Variants in ADGRL3 observed in about 807,000 individuals in gnomAD.
The protein encoded by ADGRL3 is calcium-independent alpha-latrotoxin receptor 3.
A neutral mutation model predicts 153.5 loss-of-function variants in ADGRL3; 62 were observed. That is an observed-to-expected ratio of 0.40 (90% CI 0.33 to 0.50). The LOEUF is 0.50. ADGRL3 is among the 20% of genes least tolerant of loss of function. The pLI is 0.47. For synonymous variants in ADGRL3, 710 were observed against 672.5 expected (o/e 1.06, Z -0.86); for missense variants, 1,641 against 1,859.4 (o/e 0.88, Z 2.16).
At chr4:61,854,795 C>T (rs1276518459) in intron 9 of ADGRL3, among the ~76,000 whole-genome samples, 1 of 152,126 alleles carries the variant, frequency 6.6e-6, no homozygotes, top group Non-Finnish European at 1.5e-5. Flanking sequence ...AGTTTAACAT[C>T]ATTAGTGATA....
At chr4:61,589,562 A>G (rs2149380975) in intron 5 of ADGRL3, among the ~76,000 whole-genome samples, 1 of 152,226 alleles carries the variant, frequency 6.6e-6, no homozygotes, top group African/African-American at 2.4e-5. Flanking sequence ...TTTAAAAGGT[A>G]TCTTAATCCT....
intron 22 of ADGRL3, 128 bp from the exon 23 acceptor site, chr4:62,031,314 C>T (rs1581969259): frequency 2.9e-6 from 2 of 687,276 alleles, no homozygotes; most frequent in Admixed American, 6.0e-5. Context: ...ACTTACACCA[C>T]CTGTCTTACA....
At chr4:61,700,224 T>G (rs750524320) in intron 6 of ADGRL3, among the ~76,000 whole-genome samples, 1 of 152,134 alleles carries the variant, frequency 6.6e-6, no homozygotes, top group Non-Finnish European at 1.5e-5. Context: ...ATATTCAGAG[T>G]ACTCATAGTC....
intron 1 of ADGRL3, among the ~76,000 whole-genome samples, chr4:61,277,376 G>A (rs923008396): frequency 1.1e-4 from 17 of 152,178 alleles, no homozygotes; most frequent in African/African-American, 3.6e-4. Context: ...TAAAAAGTAC[G>A]TATTATACGG....
chr4:61,403,570 C>A (rs750910092), intron 2 of ADGRL3, among the ~76,000 whole-genome samples: 28 of 152,140 alleles, frequency 1.8e-4, no homozygotes, highest in Admixed American at 1.5e-3. Flanking sequence ...GGTTGTTTGT[C>A]AGTTGTATGC....
Position 61,998,254 on chromosome 4 carries a change from T to G in ADGRL3, c.3384T>G (p.Leu1128=). ...TAILKPESGC[L]DNINYEDNRP... ...TACTGAAACCTGAATCAGGCTGTCTTGATAACATCAAGTAAGTGATTTTTA... is the reference window on the plus strand; with the variant it reads ...TACTGAAACCTGAATCAGGCTGTCTGGATAACATCAAGTAAGTGATTTTTA... Residue 1128 remains leucine (L), a synonymous_variant, in exon 21 of 27, where the codon CTT becomes CTG. Transcript: ENST00000683033. 2 of 1,555,420 alleles carry G rather than the reference T, an allele frequency of 1.3e-6. No individual in the cohort carries two copies.
At chr4:61,846,970 G>A (rs910237178) in intron 9 of ADGRL3, among the ~76,000 whole-genome samples, 23 of 133,656 alleles carry the variant, frequency 1.7e-4, no homozygotes, top group Admixed American at 3.0e-4. Flanking sequence ...GTGTGTGTGT[G>A]TATATATATG....
At position 61,733,066 on chromosome 4, in the gene ADGRL3, G is replaced by C; in HGVS notation, c.911G>C (p.Arg304Thr). Residue 304 changes from arginine (R) to threonine (T), a missense_variant, in exon 8 of 27, where the codon AGG becomes ACG. Physicochemically the swap from Arg to Thr is moderately conservative, Grantham distance 71. Around this residue, in one of 5 missense-constraint regions of ADGRL3, gnomAD observed 213 missense variants for 362.1 expected, o/e 0.59. Transcript: ENST00000683033. ...ATAGTAAAGTTTGATTTGCGGACTAGGATAAAGAGTGGAGAGGCTATCATA... is the reference window on the plus strand; with the variant it reads ...ATAGTAAAGTTTGATTTGCGGACTACGATAAAGAGTGGAGAGGCTATCATA... ...RNIVKFDLRT[R>T]IKSGEAIIAN... 6.2e-7 allele frequency: 1 copy of C among 1,613,622 alleles called. No individual in the cohort carries two copies. The highest frequency in any genetic ancestry group is 8.5e-7 in the Non-Finnish European group (1 of 1,179,806).
chr4:61,228,795 T>C (rs1749141678), intron 1 of ADGRL3, among the ~76,000 whole-genome samples: 1 of 152,114 alleles, frequency 6.6e-6, no homozygotes, highest in Admixed American at 6.6e-5. Flanking sequence ...CAGGTTCAAG[T>C]GATTCTCCTG....
chr4:61,444,147 C>T (rs1342489800), intron 2 of ADGRL3, among the ~76,000 whole-genome samples: 1 of 152,148 alleles, frequency 6.6e-6, no homozygotes, highest in Admixed American at 6.5e-5. Flanking sequence ...GATATAATGC[C>T]ATTCCATTTA....
At chr4:61,775,615 T>G (rs1305055834) in intron 8 of ADGRL3, 1 of 1,271,864 alleles carries the variant, frequency 7.9e-7, no homozygotes, top group Non-Finnish European at 1.1e-6. Flanking sequence ...GTCATCAACC[T>G]TAATTAGGTT....
intron 1 of ADGRL3, among the ~76,000 whole-genome samples, chr4:61,369,446 T>C (rs2096476594): frequency 6.6e-6 from 1 of 152,160 alleles, no homozygotes. Context: ...TGAAGGGTTG[T>C]TGAATTTTGT....
At chr4:61,712,637 A>T (rs1385086550) in intron 6 of ADGRL3, among the ~76,000 whole-genome samples, 1 of 152,186 alleles carries the variant, frequency 6.6e-6, no homozygotes, top group Non-Finnish European at 1.5e-5. Flanking sequence ...GAATTTTAAA[A>T]TTGAAGTGTG....
intron 12 of ADGRL3, among the ~76,000 whole-genome samples, chr4:61,910,928 A>G (rs1312765919): frequency 6.6e-6 from 1 of 151,682 alleles, no homozygotes; most frequent in East Asian, 1.9e-4. Context: ...TCTGTAAAAA[A>G]CAGGTAAAGT....
chr4:61,827,495 A>G (rs1345603779), intron 9 of ADGRL3, among the ~76,000 whole-genome samples: 1 of 152,184 alleles, frequency 6.6e-6, no homozygotes, highest in East Asian at 1.9e-4. Flanking sequence ...ATAGTGGGAA[A>G]CCACAAAGGA....
chr4:61,608,773 T>G (rs541906216), intron 5 of ADGRL3, among the ~76,000 whole-genome samples: 1 of 152,300 alleles, frequency 6.6e-6, no homozygotes, highest in African/African-American at 2.4e-5. Context: ...TTGACAATAG[T>G]CTAAATCATT....
rs1213048075 is a variant in ADGRL3 at position 62,074,061 on chromosome 4, G to A, written c.*3153G>A. On this transcript the variant is annotated 3_prime_UTR_variant, in exon 27 of 27. Transcript: ENST00000683033. Reference sequence around the variant, plus strand: ...TTCTTCATATACATTTTCTTATAGAGCTATTGATGAATTAATTAATGATTT... The same window carrying A: ...TTCTTCATATACATTTTCTTATAGAACTATTGATGAATTAATTAATGATTT... 6.6e-6 allele frequency: 1 copy of A among 151,688 alleles called. No homozygotes were observed. Among genetic ancestry groups the A allele is most frequent in the African/African-American group, 2.4e-5 (1 of 41,312 alleles). 9.4% of individuals were successfully genotyped at this position (151,688 alleles called of 1,614,324 possible).
At position 61,317,369 on chromosome 4, in the gene ADGRL3, G is replaced by T. The variant is rs1478279607; in HGVS notation, c.-239-65755G>T. On this transcript the variant is annotated intron_variant, in intron 1 of 26. Coordinates refer to ENST00000683033, the MANE Select transcript of ADGRL3 (RefSeq NM_001387552.1). ...GGAACCATATGAAAGTACCCTAGTA[G>T]ATTGTAAGGCATGTTTGACCCAAAG... Among the ~76,000 whole-genome samples, 3 of 152,170 alleles carry T rather than the reference G, an allele frequency of 2.0e-5. No individual in the cohort carries two copies. In the East Asian group the frequency reaches 5.8e-4, roughly 29 times the overall value.
At chr4:62,068,001 G>A (rs1490136296) in intron 25 of ADGRL3, among the ~76,000 whole-genome samples, 165 bp from the exon 26 acceptor site, 1 of 151,966 alleles carries the variant, frequency 6.6e-6, no homozygotes, top group Non-Finnish European at 1.5e-5. Flanking sequence ...TTTTAATTAT[G>A]GTAAATCATG....
Sources: gnomAD v4.1 joint callset for allele counts (sites outside exome capture counted in the v4.1 genomes callset) on GRCh38, gnomAD v4.1.1 for gene constraint, gnomAD v4.1.1 regional missense constraint, MANE v1.5 for transcripts, NCBI Gene and HGNC (gene_info 2026-07-23, HGNC 2026-07-21) for gene names.